SMYD3: variants seen among roughly 807,000 people sequenced by gnomAD.
SMYD3 encodes the protein SET and MYND domain containing 3, also known as histone-lysine N-methyltransferase SMYD3.
SMYD3 carries 36 observed loss-of-function variants against 57.7 expected under a neutral mutation model. The ratio of observed to expected loss-of-function variants is 0.62; its 90% CI spans 0.48 to 0.82. The LOEUF (loss-of-function observed/expected upper bound fraction) is 0.82. SMYD3 is among the 40% of genes least tolerant of loss of function. The pLI is 0.00. For missense variants in SMYD3, 515 were observed against 538.8 expected, an observed-to-expected ratio of 0.96 and a Z score of 0.44; for synonymous variants, 211 against 195.0, an observed-to-expected ratio of 1.08 and a Z score of -0.68.
At chr1:246,003,587 G>C (rs776211074) in intron 5 of SMYD3, among the ~76,000 whole-genome samples, 5 of 152,038 alleles carry the variant, frequency 3.3e-5, no homozygotes, top group African/African-American at 4.8e-5. Flanking sequence ...GAACGGCTCA[G>C]CTATCAACAA....
At chr1:245,777,668 C>G (rs2046659308) in intron 10 of SMYD3, among the ~76,000 whole-genome samples, 1 of 152,214 alleles carries the variant, frequency 6.6e-6, no homozygotes, top group Non-Finnish European at 1.5e-5. Flanking sequence ...AGAGTGGAAG[C>G]CTTATAGGCT....
At chr1:245,769,340 G>A (rs189916567) in intron 10 of SMYD3, among the ~76,000 whole-genome samples, 100 of 152,278 alleles carry the variant, frequency 6.6e-4, no homozygotes, top group African/African-American at 2.2e-3. Context: ...CGATCCTTGT[G>A]AAACAAAACA....
At chr1:246,470,520 A>T (rs200955691) in intron 1 of SMYD3, among the ~76,000 whole-genome samples, 23,171 of 141,670 alleles carry the variant, frequency 0.16, 2,030 homozygotes, top group South Asian at 0.23. Flanking sequence ...TAAAAAAAAA[A>T]ATATATATAT....
At chr1:246,158,516 G>GT (rs894352800) in intron 5 of SMYD3, among the ~76,000 whole-genome samples, 19 of 152,042 alleles carry the variant, frequency 1.2e-4, no homozygotes, top group African/African-American at 4.6e-4. Context: ...AATTGGCTTT[G>GT]TTTTTTTGAG....
rs762945152 is a variant in SMYD3 at position 246,411,972 on chromosome 1, T to TAA, written c.165-56880_165-56879dup. 4.0e-4 allele frequency among the ~76,000 whole-genome samples: 33 copies of TAA among 82,616 alleles called. 4 individuals carry two copies. Among genetic ancestry groups the TAA allele is most frequent in the Non-Finnish European group, 5.5e-4 (21 of 38,504 alleles). 54.2% of individuals were successfully genotyped at this position (82,616 alleles called of 152,430 possible). A position where few individuals can be genotyped will look rare whatever the true frequency, so the allele number is the denominator to read the frequency against. On this transcript the variant is annotated intron_variant, in intron 1 of 11. Transcript: ENST00000490107. ...CACACGTACCCTAAAACTTAAAGTA[T>TAA]AATAAAAAAAAAAAAAAAAAACTTA...
chr1:245,949,580 C>T (rs1049005585), intron 5 of SMYD3, among the ~76,000 whole-genome samples: 1 of 152,140 alleles, frequency 6.6e-6, no homozygotes, highest in Admixed American at 6.5e-5. Context: ...GAGGCCAAGG[C>T]GGTGGATCAC....
intron 2 of SMYD3, among the ~76,000 whole-genome samples, chr1:246,345,324 T>C (rs765949083): frequency 6.6e-6 from 1 of 152,224 alleles, no homozygotes; most frequent in Non-Finnish European, 1.5e-5. Context: ...CCTTTCATTA[T>C]TGAATTATGT....
chr1:245,982,679 C>T (rs184961671), intron 5 of SMYD3, among the ~76,000 whole-genome samples: 124 of 152,294 alleles, frequency 8.1e-4, no homozygotes, highest in African/African-American at 2.7e-3. Flanking sequence ...CAAGGAACTA[C>T]GGAAACATTG....
intron 5 of SMYD3, among the ~76,000 whole-genome samples, chr1:245,999,608 G>T (rs1044633038): frequency 1.3e-5 from 2 of 151,632 alleles, no homozygotes; most frequent in Admixed American, 1.3e-4. Flanking sequence ...AAGAAAAAAA[G>T]AAAGAAAGAA....
chr1:246,049,503 C>T (rs1416692887), intron 5 of SMYD3, among the ~76,000 whole-genome samples: 2 of 150,514 alleles, frequency 1.3e-5, no homozygotes, highest in Admixed American at 6.6e-5. Context: ...GACGGGGTTT[C>T]ACCGTGTTAG....
At chr1:245,935,878 G>C (rs2056960652) in intron 5 of SMYD3, among the ~76,000 whole-genome samples, 1 of 152,146 alleles carries the variant, frequency 6.6e-6, no homozygotes, top group Admixed American at 6.5e-5. Context: ...CAGAGGCATG[G>C]GCTGGGGAGA....
chr1:245,835,939 C>T (rs749831809), intron 10 of SMYD3, among the ~76,000 whole-genome samples: 5 of 152,066 alleles, frequency 3.3e-5, no homozygotes, highest in Non-Finnish European at 7.4e-5. Context: ...AAGAGGACAG[C>T]GAAAACTTGC....
intron 2 of SMYD3, among the ~76,000 whole-genome samples, chr1:246,353,298 CAGG>C (rs2065861408): frequency 6.6e-6 from 1 of 152,136 alleles, no homozygotes; most frequent in Admixed American, 6.6e-5. Flanking sequence ...GAGGCCAAAG[CAGG>C]AGGATCACTA....
intron 10 of SMYD3, among the ~76,000 whole-genome samples, chr1:245,786,017 G>A (rs1000679909): frequency 1.3e-5 from 2 of 151,168 alleles, no homozygotes; most frequent in African/African-American, 4.9e-5. Context: ...AATTTTCTAA[G>A]AGCCTTTTAG....
chr1:246,315,882 A>G (rs900978467), intron 5 of SMYD3, among the ~76,000 whole-genome samples: 1 of 152,200 alleles, frequency 6.6e-6, no homozygotes, highest in Non-Finnish European at 1.5e-5. Context: ...TTTATGATAT[A>G]CCAAGTCATC....
At chr1:246,289,644 G>A (rs941683607) in intron 5 of SMYD3, among the ~76,000 whole-genome samples, 1 of 152,184 alleles carries the variant, frequency 6.6e-6, no homozygotes, top group African/African-American at 2.4e-5. Flanking sequence ...TGATCTCAGT[G>A]GACATTTTAT....
Position 245,848,931 on chromosome 1 carries a change from G to A in SMYD3, c.1076+9565C>T, listed in dbSNP as rs147065487. Among the ~76,000 whole-genome samples, 605 of 152,150 alleles carry A rather than the reference G, an allele frequency of 4.0e-3. 3 individuals carry two copies. Among genetic ancestry groups the A allele is most frequent in the African/African-American group, 0.013 (554 of 41,502 alleles). On this transcript the variant is annotated intron_variant, in intron 10 of 11. Coordinates refer to ENST00000490107, the MANE Select transcript of SMYD3 (RefSeq NM_001167740.2). ...GCCAGAATGAAATATCTCCAAGGAG[G>A]ATAGGCCAGACAGAAAAACAAATGG...
chr1:246,359,837 A>C (rs543495441), intron 1 of SMYD3, among the ~76,000 whole-genome samples: 2 of 152,302 alleles, frequency 1.3e-5, no homozygotes, highest in South Asian at 4.1e-4. Flanking sequence ...ATCTAAGACA[A>C]ACCCACAGCC....
rs559313370 is a variant in SMYD3 at position 245,973,981 on chromosome 1, AATC to A, written c.532-44047_532-44045del. Reference sequence around the variant, plus strand: ...AAAATAGACTTTTGCATTTTAACAAAATCATCATCATTAATACCTATGCTTATA... The same window carrying A: ...AAAATAGACTTTTGCATTTTAACAAAATCATCATTAATACCTATGCTTATA... On this transcript the variant is annotated intron_variant, in intron 5 of 11. Coordinates refer to ENST00000490107, the MANE Select transcript of SMYD3 (RefSeq NM_001167740.2). Among the ~76,000 whole-genome samples, 441 of 151,464 alleles carry A rather than the reference AATC, an allele frequency of 2.9e-3. 3 individuals carry two copies. Among genetic ancestry groups the A allele is most frequent in the Non-Finnish European group, 2.0e-3 (139 of 68,026 alleles).
Sources: gnomAD v4.1 joint callset for allele counts (sites outside exome capture counted in the v4.1 genomes callset) on GRCh38, gnomAD v4.1.1 for gene constraint, MANE v1.5 for transcripts, NCBI Gene and HGNC (gene_info 2026-07-23, HGNC 2026-07-21) for gene names.